PTPRD: variants seen among roughly 807,000 people sequenced by gnomAD.
PTPRD encodes protein tyrosine phosphatase receptor type D, also known as receptor-type tyrosine-protein phosphatase delta.
A neutral mutation model predicts 214.5 loss-of-function variants in PTPRD; 34 were observed. The observed-to-expected ratio is 0.16, with a 90% CI of 0.12 to 0.21. The LOEUF (loss-of-function observed/expected upper bound fraction) is 0.21, where lower values mean the gene tolerates loss of function less well. PTPRD is among the 10% of genes least tolerant of loss of function. The pLI is 1.00. For missense variants in PTPRD, 2,545 were observed against 2,398.7 expected (o/e 1.06, Z -1.27); for synonymous variants, 1,128 against 845.7 (o/e 1.33, Z -5.79).
At chr9:9,313,418 T>C (rs1235217197) in intron 9 of PTPRD, among the ~76,000 whole-genome samples, 2 of 152,116 alleles carry the variant, frequency 1.3e-5, no homozygotes, top group Non-Finnish European at 2.9e-5. Flanking sequence ...CACCTGGAAA[T>C]AAAGAATTAG....
At chr9:9,179,568 G>A (rs772350373) in intron 10 of PTPRD, among the ~76,000 whole-genome samples, 1 of 152,082 alleles carries the variant, frequency 6.6e-6, no homozygotes, top group African/African-American at 2.4e-5. Flanking sequence ...TTCTCAATCA[G>A]CCATTGATTA....
At chr9:9,898,012 C>G (rs975334851) in intron 5 of PTPRD, among the ~76,000 whole-genome samples, 1 of 152,030 alleles carries the variant, frequency 6.6e-6, no homozygotes, top group Non-Finnish European at 1.5e-5. Context: ...AAACAGGTGG[C>G]TTTGGTGCAC....
At chr9:9,793,859 TGA>T (rs1352346795) in intron 5 of PTPRD, among the ~76,000 whole-genome samples, 1 of 152,056 alleles carries the variant, frequency 6.6e-6, no homozygotes, top group East Asian at 1.9e-4. Flanking sequence ...TAAAAAGTTT[TGA>T]GGATAAAATG....
intron 8 of PTPRD, among the ~76,000 whole-genome samples, chr9:9,479,299 A>C (rs2095291075): frequency 7.3e-6 from 1 of 136,776 alleles, no homozygotes. Context: ...CATTTTCAGG[A>C]AAGCAAATAA....
At chr9:9,681,050 A>G (rs888208385) in intron 7 of PTPRD, among the ~76,000 whole-genome samples, 1 of 151,832 alleles carries the variant, frequency 6.6e-6, no homozygotes, top group African/African-American at 2.4e-5. Context: ...ATTTTATTGC[A>G]CTTTTCAAAT....
At chr9:9,472,360 C>T (rs970080406) in intron 8 of PTPRD, among the ~76,000 whole-genome samples, 12 of 151,680 alleles carry the variant, frequency 7.9e-5, no homozygotes, top group East Asian at 7.8e-4. Context: ...CCCGCCACCG[C>T]GCCCGGCTAA....
At chr9:8,482,191 C>G (rs763672498) in intron 30 of PTPRD, among the ~76,000 whole-genome samples, 3 of 152,086 alleles carry the variant, frequency 2.0e-5, no homozygotes, top group Non-Finnish European at 4.4e-5. Context: ...ATTTTTTTAT[C>G]CTTTAGGATG....
At chr9:10,476,105 T>C (rs1311751050) in intron 2 of PTPRD, among the ~76,000 whole-genome samples, 2 of 152,138 alleles carry the variant, frequency 1.3e-5, no homozygotes, top group Non-Finnish European at 2.9e-5. Flanking sequence ...ACCTCTCCTA[T>C]TCAACATAGT....
intron 37 of PTPRD, among the ~76,000 whole-genome samples, chr9:8,385,274 C>T (rs1194633292): frequency 6.6e-6 from 1 of 152,154 alleles, no homozygotes; most frequent in African/African-American, 2.4e-5. Flanking sequence ...AGCCTGCAGT[C>T]CAAACACTTT....
intron 8 of PTPRD, among the ~76,000 whole-genome samples, chr9:9,399,308 G>A (rs574355312): frequency 6.6e-6 from 1 of 152,106 alleles, no homozygotes; most frequent in South Asian, 2.1e-4. Flanking sequence ...AGCATAGAAT[G>A]TGATAGTTCA....
At chr9:10,179,284 G>A (rs1195206169) in intron 3 of PTPRD, among the ~76,000 whole-genome samples, 2 of 152,054 alleles carry the variant, frequency 1.3e-5, no homozygotes, top group Middle Eastern at 3.4e-3. Context: ...GAAAGCAGAT[G>A]TATCTGGTAT....
chr9:9,726,024 G>C (rs1459024501), intron 7 of PTPRD, among the ~76,000 whole-genome samples: 1 of 152,138 alleles, frequency 6.6e-6, no homozygotes, highest in African/African-American at 2.4e-5. Flanking sequence ...ATGAATGTTT[G>C]AAACAGTATT....
intron 3 of PTPRD, among the ~76,000 whole-genome samples, chr9:10,332,073 A>T (rs2096761153): frequency 6.6e-6 from 1 of 151,868 alleles, no homozygotes; most frequent in African/African-American, 2.4e-5. Context: ...TATTTTTTAC[A>T]TTTAAATTGT....
At chr9:10,472,724 G>C (rs1485425163) in intron 2 of PTPRD, among the ~76,000 whole-genome samples, 1 of 151,914 alleles carries the variant, frequency 6.6e-6, no homozygotes, top group Non-Finnish European at 1.5e-5. Flanking sequence ...TAGGTAGCTA[G>C]AATTCTCTTA....
At chr9:10,208,371 G>T (rs1409678495) in intron 3 of PTPRD, among the ~76,000 whole-genome samples, 1 of 152,080 alleles carries the variant, frequency 6.6e-6, no homozygotes, top group African/African-American at 2.4e-5. Context: ...AAAATTAGCC[G>T]GGCGTGGTGG....
chr9:9,597,008 T>A (rs889581701), intron 7 of PTPRD, among the ~76,000 whole-genome samples: 60 of 152,098 alleles, frequency 3.9e-4, no homozygotes, highest in African/African-American at 1.3e-3. Flanking sequence ...GACAAGTAAG[T>A]AATTGGCATG....
intron 39 of PTPRD, among the ~76,000 whole-genome samples, chr9:8,354,676 ATT>A (rs1263131408): frequency 2.6e-5 from 4 of 152,206 alleles, no homozygotes; most frequent in Non-Finnish European, 5.9e-5. Flanking sequence ...AGGCTTAAGA[ATT>A]TGATGAAGAT....
At chr9:10,497,364 T>C (rs1280516779) in intron 2 of PTPRD, among the ~76,000 whole-genome samples, 1 of 152,040 alleles carries the variant, frequency 6.6e-6, no homozygotes, top group Non-Finnish European at 1.5e-5. Context: ...ACATGTATAC[T>C]AGATTGTAAG....
intron 7 of PTPRD, among the ~76,000 whole-genome samples, chr9:9,684,433 A>C (rs1278792365): frequency 6.6e-6 from 1 of 151,642 alleles, no homozygotes; most frequent in Non-Finnish European, 1.5e-5. Context: ...GACTCTAAAA[A>C]CATCTAACAC....
Sources: allele counts gnomAD v4.1 joint callset (sites outside exome capture counted in the v4.1 genomes callset), GRCh38; gene constraint gnomAD v4.1.1; transcripts MANE v1.5; gene names NCBI Gene and HGNC (gene_info 2026-07-23, HGNC 2026-07-21).